The following TMEM40 variants were observed in gnomAD, a reference collection of about 807,000 sequenced individuals.
TMEM40 encodes the protein transmembrane protein 40.
Under a neutral mutation model 40.8 loss-of-function variants are expected in TMEM40, and 34 were observed. The observed-to-expected ratio is 0.83, with a 90% CI of 0.63 to 1.11. The LOEUF is 1.11. Ranked by LOEUF, TMEM40 falls within the 50% of genes least tolerant of loss-of-function variation. TMEM40 has a pLI of 0.00. For missense variants in TMEM40, 296 were observed against 280.2 expected, an observed-to-expected ratio of 1.06 and a Z score of -0.40; for synonymous variants, 106 against 107.0, an observed-to-expected ratio of 0.99 and a Z score of 0.06.
upstream of TMEM40, among the ~76,000 whole-genome samples, chr3:12,760,171 T>G (rs1319452150): frequency 1.3e-5 from 2 of 152,294 alleles, no homozygotes; most frequent in African/African-American, 4.8e-5. Context: ...ACTGTCACCT[T>G]GATCCAGCCA....
upstream of TMEM40, among the ~76,000 whole-genome samples, chr3:12,762,304 C>T (rs1287571469): frequency 1.3e-5 from 2 of 152,116 alleles, no homozygotes; most frequent in African/African-American, 4.8e-5. Context: ...TCACCTGCTT[C>T]GTTTTACTAT....
intron 1 of TMEM40, among the ~76,000 whole-genome samples, chr3:12,753,181 T>G (rs2061491522): frequency 6.6e-6 from 1 of 151,534 alleles, no homozygotes; most frequent in Admixed American, 6.6e-5. Flanking sequence ...ACATTTTTCT[T>G]TTTTGCCTTT....
chr3:12,748,149 T>C (rs755642549), intron 3 of TMEM40, among the ~76,000 whole-genome samples: 7 of 152,152 alleles, frequency 4.6e-5, no homozygotes, highest in Non-Finnish European at 8.8e-5. Flanking sequence ...GTATAACGAA[T>C]TTCATCCTCA....
At chr3:12,745,937 A>G (rs2061424074) in intron 3 of TMEM40, among the ~76,000 whole-genome samples, 1 of 150,538 alleles carries the variant, frequency 6.6e-6, no homozygotes, top group Admixed American at 6.7e-5. Flanking sequence ...TCACTCTGTC[A>G]CCCAGGTTGG....
intron 1 of TMEM40, among the ~76,000 whole-genome samples, chr3:12,767,758 T>C (rs2061600648): frequency 6.6e-6 from 1 of 152,058 alleles, no homozygotes; most frequent in East Asian, 1.9e-4. Flanking sequence ...CTACTGGACT[T>C]AACAAAGAGG....
chr3:12,747,502 T>A (rs568740577), intron 3 of TMEM40, among the ~76,000 whole-genome samples: 13 of 152,234 alleles, frequency 8.5e-5, no homozygotes, highest in Non-Finnish European at 1.5e-4. Context: ...AAGCATTCAA[T>A]AAATATTGCT....
chr3:12,735,696 A>C, intron 10 of TMEM40, 79 bp from the exon 11 acceptor site: 1 of 1,184,402 alleles, frequency 8.4e-7, no homozygotes, highest in Non-Finnish European at 1.2e-6. Context: ...ACAAGGGCCT[A>C]ACTCATGCAA....
At chr3:12,763,419 G>A (rs2061581603), upstream of TMEM40, among the ~76,000 whole-genome samples, 2 of 152,156 alleles carry the variant, frequency 1.3e-5, no homozygotes, top group Non-Finnish European at 2.9e-5. Context: ...AGAAGTGTAA[G>A]GCAGGCCCCA....
intron 8 of TMEM40, 41 bp downstream of exon 8, chr3:12,737,666 C>T (rs767120294): frequency 9.3e-6 from 15 of 1,604,966 alleles, no homozygotes; most frequent in South Asian, 1.1e-5. Flanking sequence ...AGAAATCTAG[C>T]CAGACAGGAA....
chr3:12,755,174 C>T (rs1394365588), intron 1 of TMEM40, among the ~76,000 whole-genome samples: 1 of 139,122 alleles, frequency 7.2e-6, no homozygotes, highest in African/African-American at 2.9e-5. Context: ...CTTTCTTTCT[C>T]TCTCTCTCCT....
chr3:12,760,025 G>A (rs1438847863), upstream of TMEM40, among the ~76,000 whole-genome samples: 1 of 152,088 alleles, frequency 6.6e-6, no homozygotes, highest in African/African-American at 2.4e-5. Context: ...CCTGAAGAGG[G>A]GTCTTCCATA....
chr3:12,735,621 C>T lies in TMEM40; in HGVS notation c.620-4G>A, dbSNP rs2061331849. On this transcript the variant is annotated splice_region_variant and splice_polypyrimidine_tract_variant and intron_variant, in intron 10 of 11. Coordinates refer to ENST00000314124, the MANE Select transcript of TMEM40 (RefSeq NM_018306.4). ...AGGACGCTGTGGATACGGTACACTG[C>T]TCAGAAGCAAAGAAAAAAGTAAGTT... The T allele has an allele frequency of 6.2e-7, 1 of 1,607,528 alleles. No homozygotes were observed. The highest frequency in any genetic ancestry group is 8.5e-7 in the Non-Finnish European group (1 of 1,178,626).
At chr3:12,749,618 G>C (rs2061457347) in intron 2 of TMEM40, 142 bp downstream of exon 2, 2 of 700,062 alleles carry the variant, frequency 2.9e-6, no homozygotes, top group Non-Finnish European at 4.9e-6. Context: ...GTGCATGTGT[G>C]TAAAACCACT....
chr3:12,743,817 G>A, intron 4 of TMEM40, 83 bp downstream of exon 4: 2 of 1,332,906 alleles, frequency 1.5e-6, no homozygotes, highest in South Asian at 1.3e-5. Flanking sequence ...ACAATGCTGT[G>A]AAGAACATCA....
intron 1 of TMEM40, among the ~76,000 whole-genome samples, chr3:12,753,298 C>T (rs1246968824): frequency 7.2e-6 from 1 of 139,658 alleles, no homozygotes. Flanking sequence ...GGCTCTGCAG[C>T]TTCAACCTCC....
intron 3 of TMEM40, among the ~76,000 whole-genome samples, chr3:12,747,910 CAAA>C (rs747586371): frequency 3.6e-5 from 1 of 27,566 alleles, no homozygotes; most frequent in Non-Finnish European, 8.3e-5. Context: ...GATTCTGTCT[CAAA>C]AAAAAAAAAA....
chr3:12,746,944 C>G lies in TMEM40; in HGVS notation c.211+1711G>C, dbSNP rs368076072. Among the ~76,000 whole-genome samples, 18 of 152,240 alleles carry G rather than the reference C, an allele frequency of 1.2e-4. 2 individuals are homozygous for G. The highest frequency in any genetic ancestry group is 2.6e-4 in the Admixed American group (4 of 15,290). On this transcript the variant is annotated intron_variant, in intron 3 of 11. Coordinates refer to ENST00000314124, the MANE Select transcript of TMEM40 (RefSeq NM_018306.4). ...CAAAAGGAGAGGCAACAAACAGCCC[C>G]CTGCCTGCACCTGGAAGCTCTTCTT... is the stretch of plus-strand genomic sequence containing the variant.
At chr3:12,758,900 T>C (rs951175240) in intron 1 of TMEM40, among the ~76,000 whole-genome samples, 1 of 152,078 alleles carries the variant, frequency 6.6e-6, no homozygotes, top group South Asian at 2.1e-4. Context: ...GGTCAAGGGT[T>C]TTTCTGAAAG....
chr3:12,762,419 G>C (rs2061575835), upstream of TMEM40, among the ~76,000 whole-genome samples: 1 of 152,198 alleles, frequency 6.6e-6, no homozygotes, highest in South Asian at 2.1e-4. Flanking sequence ...GCAGAGGCTG[G>C]AGTACTGTGA....
Sources: gnomAD v4.1 joint callset for allele counts (sites outside exome capture counted in the v4.1 genomes callset) on GRCh38, gnomAD v4.1.1 for gene constraint, MANE v1.5 for transcripts, NCBI Gene and HGNC (gene_info 2026-07-23, HGNC 2026-07-21) for gene names.